Variants in MAF observed in about 807,000 individuals in gnomAD.
The protein encoded by MAF is MAF bZIP transcription factor.
In MAF, 10 loss-of-function variants were observed where a neutral mutation model predicts 22.0. The observed-to-expected ratio is 0.45, with a 90% CI of 0.28 to 0.77. The LOEUF (loss-of-function observed/expected upper bound fraction) is 0.77, where lower values mean the gene tolerates loss of function less well. Ranked by LOEUF, MAF falls within the 30% of genes least tolerant of loss-of-function variation. MAF has a pLI of 0.12. For synonymous variants in MAF, 337 were observed against 255.8 expected (o/e 1.32, Z -3.03); for missense variants, 544 against 548.4 (o/e 0.99, Z 0.08).
At chr16:79,259,352 G>C in the MAF span, among the ~76,000 whole-genome samples, 3 of 152,104 alleles carry the variant, frequency 2.0e-5, no homozygotes, top group South Asian at 6.2e-4. Flanking sequence ...CTGCAGGATG[G>C]GTCAGTGTTT....
chr16:79,477,661 T>C, the MAF span, among the ~76,000 whole-genome samples: 2 of 152,210 alleles, frequency 1.3e-5, no homozygotes, highest in East Asian at 3.9e-4. Flanking sequence ...TGTATTCGTA[T>C]CTTATTTATT....
the MAF span, among the ~76,000 whole-genome samples, chr16:79,448,805 G>A: frequency 6.6e-6 from 1 of 151,880 alleles, no homozygotes; most frequent in African/African-American, 2.4e-5. Flanking sequence ...CTACAGTATA[G>A]TATAAACCAG....
the MAF span, among the ~76,000 whole-genome samples, chr16:79,334,681 T>C: frequency 6.6e-6 from 1 of 152,086 alleles, no homozygotes; most frequent in Non-Finnish European, 1.5e-5. Flanking sequence ...GGCCCTGCAT[T>C]GTTGTACAGA....
At chr16:79,259,405 G>T in the MAF span, among the ~76,000 whole-genome samples, 1 of 152,134 alleles carries the variant, frequency 6.6e-6, no homozygotes, top group Non-Finnish European at 1.5e-5. Flanking sequence ...GTCACCCCCA[G>T]TTGCTTTCTT....
the MAF span, among the ~76,000 whole-genome samples, chr16:79,415,335 G>A: frequency 7.0e-6 from 1 of 143,162 alleles, no homozygotes; most frequent in African/African-American, 2.5e-5. Context: ...AGGAAGGAGG[G>A]AGGATGAACA....
the MAF span, among the ~76,000 whole-genome samples, chr16:79,462,882 T>A: frequency 6.6e-6 from 1 of 152,220 alleles, no homozygotes; most frequent in South Asian, 2.1e-4. Flanking sequence ...AAATAGGTAA[T>A]AAACAAATGA....
chr16:79,403,620 G>A, the MAF span, among the ~76,000 whole-genome samples: 1 of 152,190 alleles, frequency 6.6e-6, no homozygotes, highest in Admixed American at 6.5e-5. Flanking sequence ...CCTGACCCAC[G>A]AGGCTGGGTT....
the MAF span, among the ~76,000 whole-genome samples, chr16:79,431,894 C>A: frequency 6.6e-6 from 1 of 152,162 alleles, no homozygotes; most frequent in Non-Finnish European, 1.5e-5. Flanking sequence ...GAATTGCCAC[C>A]TTTCCCTCAT....
chr16:79,226,168 G>A, the MAF span, among the ~76,000 whole-genome samples: 12 of 152,122 alleles, frequency 7.9e-5, no homozygotes, highest in Non-Finnish European at 1.5e-4. Flanking sequence ...AGAAAATGTG[G>A]CACATATATA....
At chr16:79,384,908 T>G in the MAF span, among the ~76,000 whole-genome samples, 1 of 152,180 alleles carries the variant, frequency 6.6e-6, no homozygotes, top group Non-Finnish European at 1.5e-5. Flanking sequence ...CTAAGGCAAG[T>G]TGCACCTTAT....
At chr16:79,402,027 C>T in the MAF span, among the ~76,000 whole-genome samples, 1 of 152,142 alleles carries the variant, frequency 6.6e-6, no homozygotes, top group African/African-American at 2.4e-5. Flanking sequence ...AGTCACACAG[C>T]TACTAAGTGG....
chr16:79,349,174 T>G, the MAF span, among the ~76,000 whole-genome samples: 1 of 152,238 alleles, frequency 6.6e-6, no homozygotes, highest in Admixed American at 6.5e-5. Flanking sequence ...AGACGTCCTC[T>G]GCCTTGCCCA....
chr16:79,421,766 G>C, the MAF span, among the ~76,000 whole-genome samples: 1 of 151,632 alleles, frequency 6.6e-6, no homozygotes, highest in African/African-American at 2.4e-5. Context: ...CTCTTGAGTA[G>C]TGAATTCTTT....
the MAF span, among the ~76,000 whole-genome samples, chr16:79,534,575 C>T: frequency 6.9e-5 from 9 of 130,072 alleles, no homozygotes; most frequent in Non-Finnish European, 1.6e-5. Flanking sequence ...CATCACACAC[C>T]GGGGCCTGTC....
At chr16:79,361,584 T>C in the MAF span, among the ~76,000 whole-genome samples, 6 of 152,286 alleles carry the variant, frequency 3.9e-5, no homozygotes, top group South Asian at 2.1e-4. Context: ...CTAAAAGCTG[T>C]CAGTCTCTGT....
chr16:79,523,251 T>C, the MAF span, among the ~76,000 whole-genome samples: 1 of 152,210 alleles, frequency 6.6e-6, no homozygotes, highest in Non-Finnish European at 1.5e-5. Context: ...AGGAATTCTC[T>C]ACCATAGCAA....
At chr16:79,383,416 A>T in the MAF span, among the ~76,000 whole-genome samples, 108 of 152,366 alleles carry the variant, frequency 7.1e-4, 1 homozygote, top group African/African-American at 2.5e-3. Context: ...GTTTAAAAAA[A>T]AATGAAGGAT....
At chr16:79,218,091 G>A in the MAF span, among the ~76,000 whole-genome samples, 38 of 147,492 alleles carry the variant, frequency 2.6e-4, no homozygotes, top group South Asian at 8.4e-3. Flanking sequence ...TAGTTTAGCT[G>A]AGGTCACTTT....
chr16:79,431,664 C>A, the MAF span, among the ~76,000 whole-genome samples: 1 of 152,162 alleles, frequency 6.6e-6, no homozygotes, highest in Non-Finnish European at 1.5e-5. Flanking sequence ...CGAATGCTAA[C>A]CTGTGTTTTC....
Sources: gnomAD v4.1 joint callset for allele counts (sites outside exome capture counted in the v4.1 genomes callset) on GRCh38, gnomAD v4.1.1 for gene constraint, MANE v1.5 for transcripts, NCBI Gene and HGNC (gene_info 2026-07-23, HGNC 2026-07-21) for gene names.